Variants in MARCO observed in about 807,000 individuals in gnomAD.
The protein encoded by MARCO is macrophage receptor MARCO.
Under a neutral mutation model 70.0 loss-of-function variants are expected in MARCO, and 72 were observed. The ratio of observed to expected loss-of-function variants is 1.03; its 90% CI spans 0.85 to 1.25. The LOEUF (loss-of-function observed/expected upper bound fraction) is 1.25. MARCO is among the 50% of genes most tolerant of loss of function. MARCO has a pLI of 0.00. For synonymous variants in MARCO, 273 were observed against 243.1 expected, an observed-to-expected ratio of 1.12 and a Z score of -1.14; for missense variants, 696 against 659.3, an observed-to-expected ratio of 1.06 and a Z score of -0.61.
intron 1 of MARCO, among the ~76,000 whole-genome samples, chr2:118,943,536 G>C (rs541439062): frequency 6.6e-6 from 1 of 152,222 alleles, no homozygotes; most frequent in South Asian, 2.1e-4. Context: ...GACAGGGTAA[G>C]CTGCCCATGA....
At chr2:118,987,390 G>A (rs555502036) in intron 12 of MARCO, among the ~76,000 whole-genome samples, 3 of 152,278 alleles carry the variant, frequency 2.0e-5, no homozygotes, top group Admixed American at 2.0e-4. Flanking sequence ...CCATCGATTA[G>A]TCCATGGACA....
intron 12 of MARCO, among the ~76,000 whole-genome samples, chr2:118,982,687 A>G (rs1329765569): frequency 6.6e-6 from 1 of 151,998 alleles, no homozygotes; most frequent in Admixed American, 6.6e-5. Context: ...TGCCCATACC[A>G]TCTCCCTGGT....
intron 11 of MARCO, 43 bp from the exon 12 acceptor site, chr2:118,982,305 G>T (rs766154574): frequency 1.2e-6 from 2 of 1,612,608 alleles, no homozygotes; most frequent in South Asian, 2.2e-5. Flanking sequence ...GTGAAAACCT[G>T]CCTAGTCCAG....
chr2:118,950,261 A>G (rs907108228), intron 1 of MARCO, among the ~76,000 whole-genome samples: 3 of 152,208 alleles, frequency 2.0e-5, no homozygotes, highest in African/African-American at 7.2e-5. Context: ...TAAGATTTTT[A>G]TAGACTGTTT....
intron 6 of MARCO, among the ~76,000 whole-genome samples, chr2:118,976,291 A>G (rs1435035079): frequency 6.6e-6 from 1 of 152,200 alleles, no homozygotes. Flanking sequence ...TCCACAAAGT[A>G]GGCTGTTGTG....
At chr2:118,987,169 G>A (rs1056202613) in intron 12 of MARCO, among the ~76,000 whole-genome samples, 28 of 152,290 alleles carry the variant, frequency 1.8e-4, no homozygotes, top group African/African-American at 6.7e-4. Context: ...TAAATATTTG[G>A]AACCCTTTCA....
chr2:118,960,018 G>C (rs182343892), intron 1 of MARCO, among the ~76,000 whole-genome samples: 3 of 151,838 alleles, frequency 2.0e-5, no homozygotes, highest in Admixed American at 2.0e-4. Context: ...TATACTGCTT[G>C]GGTGATGGGT....
intron 12 of MARCO, among the ~76,000 whole-genome samples, chr2:118,986,672 G>GGAAGGAAAAAAA (rs1680505947): frequency 2.1e-5 from 1 of 48,662 alleles, no homozygotes; most frequent in African/African-American, 1.3e-4. Flanking sequence ...AAGGAAGGAA[G>GGAAGGAAAAAAA]GAAAGAAAGA....
rs775547928 is a variant in MARCO, at chr2:118,974,502, A to C, written c.569-19A>C. 2 of 1,613,848 alleles carry C rather than the reference A, an allele frequency of 1.2e-6. No homozygotes were observed. The highest frequency in any genetic ancestry group is 1.7e-6 in the Non-Finnish European group (2 of 1,179,922). The stretch of plus-strand genomic sequence containing the variant: ...CTCCTCCTTCTCTGGCTTCACTCTG[A>C]ATTCCCTTTCCCTTCCAGGCCCCTC... On this transcript the variant is annotated intron_variant, in intron 5 of 16. Transcript: ENST00000327097.
At chr2:118,978,179 G>T (rs1680322658) in intron 8 of MARCO, among the ~76,000 whole-genome samples, 1 of 152,210 alleles carries the variant, frequency 6.6e-6, no homozygotes, top group Non-Finnish European at 1.5e-5. Context: ...AGTGCTAGGA[G>T]CTCAGAGAGG....
chr2:118,942,281 G>A lies in MARCO; in HGVS notation c.-20G>A, dbSNP rs1024394998. 7.0e-6 allele frequency: 11 copies of A among 1,565,566 alleles called. No homozygotes were observed. The highest frequency in any genetic ancestry group is 9.7e-6 in the Non-Finnish European group (11 of 1,136,500). On this transcript the variant is annotated 5_prime_UTR_variant, in exon 1 of 17. Coordinates refer to ENST00000327097, the MANE Select transcript of MARCO (RefSeq NM_006770.4). Reference sequence around the variant, plus strand: ...CATTTCTGCTGGCTCCAGGACTTTGGCCATCTATAAAGCTTGGCAATGAGA... The same window carrying A: ...CATTTCTGCTGGCTCCAGGACTTTGACCATCTATAAAGCTTGGCAATGAGA...
chr2:118,952,123 A>G (rs916801920), intron 1 of MARCO, among the ~76,000 whole-genome samples: 2 of 152,018 alleles, frequency 1.3e-5, no homozygotes, highest in Non-Finnish European at 2.9e-5. Flanking sequence ...GGAGTTCTGA[A>G]TATTTTTCTT....
intron 13 of MARCO, among the ~76,000 whole-genome samples, chr2:118,991,422 C>T (rs1028457861): frequency 7.9e-5 from 12 of 152,080 alleles, no homozygotes; most frequent in Non-Finnish European, 1.2e-4. Flanking sequence ...CCACTGTACT[C>T]GGCCTCTGTT....
intron 12 of MARCO, among the ~76,000 whole-genome samples, chr2:118,989,654 G>C (rs1253766068): frequency 6.6e-6 from 1 of 152,232 alleles, no homozygotes; most frequent in East Asian, 1.9e-4. Context: ...GGTGGGGCAG[G>C]GCAGGCAGAA....
In MARCO at chr2:118,965,013, TATG is replaced by T. The variant is rs1266035174; in HGVS notation, c.98-4143_98-4141del. 2.0e-5 allele frequency among the ~76,000 whole-genome samples: 3 copies of T among 152,226 alleles called. 1 individual carries two copies. Among genetic ancestry groups the T allele is most frequent in the Admixed American group, 2.0e-4 (3 of 15,282 alleles). Reference sequence around the variant, plus strand: ...CTTTTTATGTTTTCAATGTTTTAGTTATGATGTGTCTTGATATGGATTTCTTTG... The same window carrying T: ...CTTTTTATGTTTTCAATGTTTTAGTTATGTGTCTTGATATGGATTTCTTTG... On this transcript the variant is annotated intron_variant, in intron 1 of 16. Coordinates refer to ENST00000327097, the MANE Select transcript of MARCO (RefSeq NM_006770.4).
chr2:118,976,624 C>T (rs1357690059), intron 6 of MARCO, among the ~76,000 whole-genome samples: 2 of 152,166 alleles, frequency 1.3e-5, no homozygotes, highest in African/African-American at 4.8e-5. Context: ...CACCGTTTCT[C>T]AATTCCAATT....
intron 1 of MARCO, among the ~76,000 whole-genome samples, chr2:118,967,394 T>C (rs1680072773): frequency 6.6e-6 from 1 of 152,182 alleles, no homozygotes; most frequent in Non-Finnish European, 1.5e-5. Context: ...GACATGGAAC[T>C]GCAGCCATAG....
intron 10 of MARCO, 139 bp downstream of exon 10, chr2:118,981,795 T>C (rs1573402391): frequency 4.5e-6 from 4 of 895,388 alleles, no homozygotes; most frequent in Non-Finnish European, 7.1e-6. Flanking sequence ...CATCTGGCCC[T>C]GGCCAAGAGG....
intron 2 of MARCO, 51 bp from the exon 3 acceptor site, chr2:118,970,063 A>G: frequency 6.9e-7 from 1 of 1,441,262 alleles, no homozygotes; most frequent in East Asian, 2.3e-5. Flanking sequence ...AATGTCAGGG[A>G]TATGCTCAAA....
Sources: gnomAD v4.1 joint callset for allele counts (sites outside exome capture counted in the v4.1 genomes callset) on GRCh38, gnomAD v4.1.1 for gene constraint, MANE v1.5 for transcripts, NCBI Gene and HGNC (gene_info 2026-07-23, HGNC 2026-07-21) for gene names.